The following GLG1 variants were observed in gnomAD, a reference collection of about 807,000 sequenced individuals.
GLG1 encodes golgi glycoprotein 1, also known as Golgi apparatus protein 1.
In GLG1, 38 loss-of-function variants were observed where a neutral mutation model predicts 160.5. The ratio of observed to expected loss-of-function variants is 0.24; its 90% CI spans 0.18 to 0.31. The LOEUF is 0.31. Ranked by LOEUF, GLG1 falls within the 10% of genes least tolerant of loss-of-function variation. The probability of loss-of-function intolerance (pLI) is 1.00; values close to 1 mark genes in which losing one functional copy is unlikely to be tolerated. For synonymous variants in GLG1, 644 were observed against 543.4 expected (o/e 1.19, Z -2.57); for missense variants, 1,373 against 1,505.2 (o/e 0.91, Z 1.45).
chr16:74,465,034 T>C (rs2014948387), intron 19 of GLG1, among the ~76,000 whole-genome samples: 1 of 152,142 alleles, frequency 6.6e-6, no homozygotes, highest in African/African-American at 2.4e-5. Context: ...AGACGGGGTT[T>C]CACCATGTTG....
At chr16:74,553,383 C>G (rs2018260137) in intron 1 of GLG1, among the ~76,000 whole-genome samples, 1 of 151,714 alleles carries the variant, frequency 6.6e-6, no homozygotes, top group Non-Finnish European at 1.5e-5. Flanking sequence ...CAAAATTTGA[C>G]TATTCTGACA....
intron 7 of GLG1, among the ~76,000 whole-genome samples, chr16:74,492,071 T>C (rs2016014913): frequency 6.6e-6 from 1 of 151,872 alleles, no homozygotes; most frequent in Admixed American, 6.6e-5. Context: ...CTCCTCAAAA[T>C]GTTGCACAAT....
intron 10 of GLG1, among the ~76,000 whole-genome samples, 166 bp from the exon 11 acceptor site, chr16:74,480,560 GT>G (rs977257775): frequency 3.4e-4 from 49 of 145,082 alleles, no homozygotes; most frequent in Admixed American, 4.8e-4. Context: ...TTGTTCTTTT[GT>G]TTTTTTTTTT....
Position 74,606,831 on chromosome 16 carries a change from CGGCGGCTGA to C in GLG1, c.255_263del (p.Gln89_Pro91del). The C allele has an allele frequency of 6.2e-7, 1 of 1,601,964 alleles. No individual in the cohort carries two copies. The highest frequency in any genetic ancestry group is 8.5e-7 in the Non-Finnish European group (1 of 1,174,492). Reference sequence around the variant, plus strand: ...GCCCACCCGCCGGGAAAGGCGGCTGCGGCGGCTGAGGCTGCTGTTGCTGTTGCTGCTGCT... The same window carrying C: ...GCCCACCCGCCGGGAAAGGCGGCTGCGGCTGCTGTTGCTGTTGCTGCTGCT... On this transcript the variant is annotated inframe_deletion, in exon 1 of 26. Coordinates refer to ENST00000422840, the MANE Select transcript of GLG1 (RefSeq NM_001145667.2).
At chr16:74,523,214 T>G (rs991650145) in intron 2 of GLG1, among the ~76,000 whole-genome samples, 1 of 152,244 alleles carries the variant, frequency 6.6e-6, no homozygotes, top group Non-Finnish European at 1.5e-5. Flanking sequence ...TTAGAAATTT[T>G]ACTGTTTTAC....
intron 4 of GLG1, among the ~76,000 whole-genome samples, chr16:74,499,203 A>G (rs1440858287): frequency 3.3e-5 from 4 of 120,604 alleles, no homozygotes; most frequent in Non-Finnish European, 6.9e-5. Context: ...TGGAGTCTAT[A>G]AAACTCCTAA....
intron 1 of GLG1, among the ~76,000 whole-genome samples, chr16:74,599,865 A>ACC (rs1209634908): frequency 6.7e-6 from 1 of 149,816 alleles, no homozygotes; most frequent in African/African-American, 2.5e-5. Flanking sequence ...CTCTGTCTCA[A>ACC]AAAAAAAACA....
intron 9 of GLG1, among the ~76,000 whole-genome samples, chr16:74,483,400 A>T (rs1035991607): frequency 6.6e-6 from 1 of 152,182 alleles, no homozygotes; most frequent in African/African-American, 2.4e-5. Context: ...ACACACAAAG[A>T]AGTAGAGAAT....
intron 2 of GLG1, among the ~76,000 whole-genome samples, chr16:74,510,273 C>T (rs1235435677): frequency 6.6e-6 from 1 of 152,086 alleles, no homozygotes; most frequent in Non-Finnish European, 1.5e-5. Flanking sequence ...TCAGGTGATC[C>T]ACCCACCTTG....
At chr16:74,575,929 G>A (rs947599106) in intron 1 of GLG1, among the ~76,000 whole-genome samples, 1 of 151,984 alleles carries the variant, frequency 6.6e-6, no homozygotes, top group Non-Finnish European at 1.5e-5. Context: ...AGCCAGGCGC[G>A]GTGGTTCACG....
At chr16:74,517,432 G>A (rs2017012203) in intron 2 of GLG1, among the ~76,000 whole-genome samples, 1 of 152,118 alleles carries the variant, frequency 6.6e-6, no homozygotes, top group South Asian at 2.1e-4. Flanking sequence ...CACATAAACA[G>A]AATCAGTAAT....
At chr16:74,533,955 A>G (rs2017616364) in intron 1 of GLG1, among the ~76,000 whole-genome samples, 1 of 152,218 alleles carries the variant, frequency 6.6e-6, no homozygotes, top group Non-Finnish European at 1.5e-5. Context: ...AAGAAAATAG[A>G]ACACATCAAG....
At position 74,562,765 on chromosome 16, in the gene GLG1, G is replaced by A. The variant is rs376083967; in HGVS notation, c.439-30612C>T. ...GTAGAGATTACAGGCATGAGCTACC[G>A]TGCTGGCAGTAAAGGAAGCTTTTCA... On this transcript the variant is annotated intron_variant, in intron 1 of 25. Transcript: ENST00000422840. Among the ~76,000 whole-genome samples, 240 of 152,268 alleles carry A rather than the reference G, an allele frequency of 1.6e-3. 1 individual carries two copies. The highest frequency in any genetic ancestry group is 0.01 in the Middle Eastern group (3 of 294).
At chr16:74,457,722 G>C (rs1475804576) in intron 24 of GLG1, 152 bp downstream of exon 24, 2 of 595,588 alleles carry the variant, frequency 3.4e-6, no homozygotes, top group Admixed American at 5.7e-5. Context: ...GTCTAGTTTT[G>C]GCATCACCCA....
At position 74,475,097 on chromosome 16, in the gene GLG1, C is replaced by A. The variant is rs550012988; in HGVS notation, c.1966-465G>T. The stretch of plus-strand genomic sequence containing the variant: ...GCTTGAACCCAGGAGGCGGGGGCTG[C>A]AGTAAGCCAGGATCGTGCCACTGCA... On this transcript the variant is annotated intron_variant, in intron 12 of 25. Coordinates refer to ENST00000422840, the MANE Select transcript of GLG1 (RefSeq NM_001145667.2). 3.6e-5 allele frequency among the ~76,000 whole-genome samples: 5 copies of A among 139,000 alleles called. No individual in the cohort carries two copies. In the East Asian group the frequency reaches 1.1e-3, roughly 30 times the overall value. The allele number at this position is 139,000 out of a possible 152,430, so 91.2% of individuals were successfully genotyped here.
rs555088446 is a variant in GLG1 at position 74,561,309 on chromosome 16, G to A, written c.439-29156C>T. ...TCTTGTCAATTATGTCTTTAACCAT[G>A]ATCATTTTGTTTCCACAGTTAATTG... On this transcript the variant is annotated intron_variant, in intron 1 of 25. Transcript: ENST00000422840. 3.9e-5 allele frequency among the ~76,000 whole-genome samples: 6 copies of A among 152,326 alleles called. No individual in the cohort carries two copies. In the South Asian group the frequency reaches 1.2e-3, roughly 32 times the overall value.
At chr16:74,527,003 G>C (rs2017355781) in intron 2 of GLG1, among the ~76,000 whole-genome samples, 1 of 152,106 alleles carries the variant, frequency 6.6e-6, no homozygotes. Context: ...GGTCATGATG[G>C]CTAAATACCA....
chr16:74,606,539 G>T, intron 1 of GLG1, 118 bp downstream of exon 1: 1 of 788,048 alleles, frequency 1.3e-6, no homozygotes, highest in South Asian at 1.9e-5. Flanking sequence ...GGGAAGGAGC[G>T]AGTGCAGCAC....
At chr16:74,506,081 ATTTT>A (rs71376213) in intron 3 of GLG1, among the ~76,000 whole-genome samples, 6 of 101,918 alleles carry the variant, frequency 5.9e-5, no homozygotes, top group African/African-American at 7.6e-5. Flanking sequence ...CCTGGAAAAG[ATTTT>A]TTTTTTTTTT....
Sources: gnomAD v4.1 joint callset for allele counts (sites outside exome capture counted in the v4.1 genomes callset) on GRCh38, gnomAD v4.1.1 for gene constraint, MANE v1.5 for transcripts, NCBI Gene and HGNC (gene_info 2026-07-23, HGNC 2026-07-21) for gene names.